Variants in EPHA5 observed in about 807,000 individuals in gnomAD.
EPHA5 encodes the protein ephrin type-A receptor 5.
A neutral mutation model predicts 105.0 loss-of-function variants in EPHA5; 60 were observed. The ratio of observed to expected loss-of-function variants is 0.57; its 90% CI spans 0.46 to 0.71. EPHA5 has a LOEUF of 0.71. EPHA5 is among the 30% of genes least tolerant of loss of function. The pLI is 0.00. For synonymous variants in EPHA5, 513 were observed against 449.1 expected (o/e 1.14, Z -1.80); for missense variants, 1,218 against 1,274.7 (o/e 0.96, Z 0.68).
chr4:65,455,374 A>G (rs535984684), intron 5 of EPHA5, among the ~76,000 whole-genome samples: 2 of 152,324 alleles, frequency 1.3e-5, no homozygotes, highest in Admixed American at 1.3e-4. Flanking sequence ...CACACAAGCA[A>G]ACAGCTGGAC....
At chr4:65,616,891 C>A (rs7671948) in intron 2 of EPHA5, among the ~76,000 whole-genome samples, 46,539 of 151,888 alleles carry the variant, frequency 0.31, 7,272 homozygotes, top group Non-Finnish European at 0.33. Flanking sequence ...TGAAGCTCTT[C>A]CTGGTTTATC....
chr4:65,514,129 G>C (rs1733884411), intron 3 of EPHA5, among the ~76,000 whole-genome samples: 2 of 152,064 alleles, frequency 1.3e-5, no homozygotes, highest in African/African-American at 4.8e-5. Context: ...CTATAATGGG[G>C]TTCTGCATAG....
chr4:65,456,543 A>G (rs544463895), intron 5 of EPHA5, among the ~76,000 whole-genome samples: 4 of 152,296 alleles, frequency 2.6e-5, no homozygotes, highest in East Asian at 1.9e-4. Context: ...CCAATCTCAC[A>G]TGCTGCTTAA....
intron 14 of EPHA5, among the ~76,000 whole-genome samples, chr4:65,343,620 T>C (rs973248367): frequency 6.6e-6 from 1 of 152,232 alleles, no homozygotes; most frequent in Middle Eastern, 3.2e-3. Context: ...TCATTAAATA[T>C]AGTTGATTTG....
chr4:65,463,659 T>C (rs763831993), intron 5 of EPHA5, among the ~76,000 whole-genome samples: 9 of 152,242 alleles, frequency 5.9e-5, no homozygotes, highest in African/African-American at 1.9e-4. Context: ...TGTCCTCATT[T>C]AAGTATAAGT....
chr4:65,660,346 G>T lies in EPHA5; in HGVS notation c.181+9216C>A, dbSNP rs146361413. Among the ~76,000 whole-genome samples the T allele has an allele frequency of 5.3e-3, 808 of 152,174 alleles. 11 individuals carry two copies. Among genetic ancestry groups the T allele is most frequent in the African/African-American group, 0.018 (765 of 41,520 alleles). The stretch of plus-strand genomic sequence containing the variant: ...CAGAAAATCAAGATAATGTCATGTG[G>T]TTGGTTTTCACCTTGGATAGCTCTA... On this transcript the variant is annotated intron_variant, in intron 1 of 16. Transcript: ENST00000613740.
chr4:65,399,986 G>T (rs897697952), intron 8 of EPHA5, among the ~76,000 whole-genome samples: 23 of 151,982 alleles, frequency 1.5e-4, no homozygotes, highest in African/African-American at 4.8e-4. Flanking sequence ...TTAATTTTCA[G>T]AATTTACACT....
intron 8 of EPHA5, among the ~76,000 whole-genome samples, chr4:65,369,904 T>C (rs1232077291): frequency 6.6e-6 from 1 of 152,044 alleles, no homozygotes; most frequent in Admixed American, 6.6e-5. Flanking sequence ...GAGCCGGAGG[T>C]TGCAGTGAGC....
At chr4:65,572,673 A>G (rs1340143347) in intron 3 of EPHA5, among the ~76,000 whole-genome samples, 1 of 152,212 alleles carries the variant, frequency 6.6e-6, no homozygotes, top group African/African-American at 2.4e-5. Flanking sequence ...ATCTGTGTAT[A>G]GAAAACTAGA....
chr4:65,445,458 T>A (rs2149094889), intron 5 of EPHA5, among the ~76,000 whole-genome samples: 1 of 152,288 alleles, frequency 6.6e-6, no homozygotes, highest in Non-Finnish European at 1.5e-5. Context: ...CTTCAAATAT[T>A]GCTTCTTTAT....
intron 3 of EPHA5, among the ~76,000 whole-genome samples, chr4:65,572,379 A>G (rs1335138696): frequency 1.3e-5 from 2 of 152,198 alleles, no homozygotes; most frequent in African/African-American, 2.4e-5. Flanking sequence ...TCTCCAACGC[A>G]GGCATGCTAG....
At chr4:65,620,118 A>G (rs1254975077) in intron 2 of EPHA5, among the ~76,000 whole-genome samples, 1 of 147,336 alleles carries the variant, frequency 6.8e-6, no homozygotes, top group Non-Finnish European at 1.5e-5. Flanking sequence ...GTATATATAT[A>G]TATATATATA....
intron 11 of EPHA5, among the ~76,000 whole-genome samples, chr4:65,360,250 G>T (rs1364281374): frequency 6.6e-6 from 1 of 151,552 alleles, no homozygotes; most frequent in Non-Finnish European, 1.5e-5. Context: ...TCACCCAAAG[G>T]TAAACTCTAT....
intron 5 of EPHA5, among the ~76,000 whole-genome samples, chr4:65,428,269 T>C (rs1724640828): frequency 6.6e-6 from 1 of 152,046 alleles, no homozygotes; most frequent in African/African-American, 2.4e-5. Context: ...CTCACAAATG[T>C]GCAATATTAT....
chr4:65,411,035 ATTGTT>A (rs574748454), intron 7 of EPHA5, among the ~76,000 whole-genome samples: 2 of 152,028 alleles, frequency 1.3e-5, no homozygotes, highest in African/African-American at 2.4e-5. Flanking sequence ...TTGTTGATAT[ATTGTT>A]TTGTTTTGTT....
intron 11 of EPHA5, among the ~76,000 whole-genome samples, chr4:65,358,485 C>G (rs142633400): frequency 1.3e-5 from 2 of 151,422 alleles, no homozygotes; most frequent in Admixed American, 6.6e-5. Flanking sequence ...TTTAAAATGT[C>G]TTTTATTCTT....
At chr4:65,344,709 G>A (rs1211953977) in intron 14 of EPHA5, among the ~76,000 whole-genome samples, 2 of 152,166 alleles carry the variant, frequency 1.3e-5, no homozygotes, top group African/African-American at 4.8e-5. Flanking sequence ...AGTTAGAAAT[G>A]AAACCACGCA....
intron 3 of EPHA5, among the ~76,000 whole-genome samples, chr4:65,517,031 T>C (rs942159065): frequency 4.6e-5 from 7 of 152,112 alleles, no homozygotes; most frequent in Admixed American, 3.3e-4. Flanking sequence ...GATTTCCTAT[T>C]TACTTGTTGT....
At chr4:65,326,803 A>G (rs906574391) in intron 16 of EPHA5, among the ~76,000 whole-genome samples, 2 of 151,330 alleles carry the variant, frequency 1.3e-5, no homozygotes, top group Non-Finnish European at 3.0e-5. Context: ...CTTAAATTGC[A>G]TAATTCATGA....
Sources: gnomAD v4.1 joint callset for allele counts (sites outside exome capture counted in the v4.1 genomes callset) on GRCh38, gnomAD v4.1.1 for gene constraint, MANE v1.5 for transcripts, NCBI Gene and HGNC (gene_info 2026-07-23, HGNC 2026-07-21) for gene names.